Variants in DYNC2H1 observed in about 807,000 individuals in gnomAD.
DYNC2H1 encodes cytoplasmic dynein 2 heavy chain 1.
In DYNC2H1, 410 loss-of-function variants were observed where a neutral mutation model predicts 570.0. That is an observed-to-expected ratio of 0.72 (90% confidence interval 0.66 to 0.78). DYNC2H1 has a LOEUF of 0.78. DYNC2H1 is among the 30% of genes least tolerant of loss of function. DYNC2H1 has a pLI of 0.00. For missense variants in DYNC2H1, 4,865 were observed against 5,046.4 expected, an observed-to-expected ratio of 0.96 and a Z score of 1.09; for synonymous variants, 1,688 against 1,677.6, an observed-to-expected ratio of 1.01 and a Z score of -0.15.
At chr11:103,238,582 T>TAC (rs10571344) in intron 63 of DYNC2H1, among the ~76,000 whole-genome samples, 61 of 150,146 alleles carry the variant, frequency 4.1e-4, no homozygotes, top group African/African-American at 1.0e-3. Context: ...CACACACACA[T>TAC]ACACACACAC....
chr11:103,399,397 C>G (rs964495176), intron 83 of DYNC2H1, among the ~76,000 whole-genome samples: 1 of 150,748 alleles, frequency 6.6e-6, no homozygotes, highest in African/African-American at 2.4e-5. Flanking sequence ...CTCAAATGCT[C>G]CACCTGCGTT....
rs1225942392 is a variant in DYNC2H1, at chr11:103,268,777, C to G, written c.10695+8800C>G. Among the ~76,000 whole-genome samples, 1 of 151,826 alleles carries G rather than the reference C, an allele frequency of 6.6e-6. No homozygotes were observed. Among genetic ancestry groups the G allele is most frequent in the Admixed American group, 6.6e-5 (1 of 15,256 alleles). ...AGAGAATATAAACTTCCTTCTTGTT[C>G]ATTTGAAATATTAGTAGCTTTTCTT... On this transcript the variant is annotated intron_variant, in intron 70 of 88. Transcript: ENST00000375735. The surrounding 1 kb of genome is among the most constrained non-coding windows in gnomAD (Gnocchi z 4.6).
At chr11:103,366,290 G>A (rs1366014147) in intron 83 of DYNC2H1, among the ~76,000 whole-genome samples, 1 of 152,220 alleles carries the variant, frequency 6.6e-6, no homozygotes, top group Non-Finnish European at 1.5e-5. Flanking sequence ...ATATATGAAT[G>A]TGTGTGTCGT....
At position 103,201,077 on chromosome 11, in the gene DYNC2H1, TTGG is replaced by T. The variant is rs1862701069; in HGVS notation, c.8197+924_8197+926del. The stretch of plus-strand genomic sequence containing the variant: ...CCTGACTTCAGGTGATCCTCCCGCC[TTGG>T]CCTCCCAAAGTGCTGGGATTACAGA... On this transcript the variant is annotated intron_variant, in intron 50 of 88. Coordinates refer to ENST00000375735, the MANE Select transcript of DYNC2H1 (RefSeq NM_001377.3). The surrounding 1 kb of genome is among the most constrained non-coding windows in gnomAD (Gnocchi z 4.8). Among the ~76,000 whole-genome samples, 1 of 152,176 alleles carries T rather than the reference TTGG, an allele frequency of 6.6e-6. No individual in the cohort carries two copies. The highest frequency in any genetic ancestry group is 6.5e-5 in the Admixed American group (1 of 15,268).
At chr11:103,419,655 T>C (rs1943411901) in intron 84 of DYNC2H1, among the ~76,000 whole-genome samples, 1 of 150,502 alleles carries the variant, frequency 6.6e-6, no homozygotes, top group South Asian at 2.1e-4. Flanking sequence ...AGATCAAAGA[T>C]AGATGAGCCC....
intron 63 of DYNC2H1, among the ~76,000 whole-genome samples, chr11:103,242,594 T>G (rs1182448108): frequency 6.6e-6 from 1 of 152,232 alleles, no homozygotes; most frequent in Non-Finnish European, 1.5e-5. Flanking sequence ...CAGTTTAAAT[T>G]TTAGTAGGTA....
intron 70 of DYNC2H1, among the ~76,000 whole-genome samples, chr11:103,262,539 C>A (rs553999615): frequency 6.6e-6 from 1 of 152,042 alleles, no homozygotes; most frequent in Non-Finnish European, 1.5e-5. Flanking sequence ...AGAGTAGGGG[C>A]CAATATTCAA....
intron 79 of DYNC2H1, among the ~76,000 whole-genome samples, chr11:103,314,142 T>C (rs1314074941): frequency 6.6e-6 from 1 of 152,138 alleles, no homozygotes; most frequent in Non-Finnish European, 1.5e-5. Context: ...AAAAGTTAGG[T>C]TCCTCCCTAC....
At position 103,221,952 on chromosome 11, in the gene DYNC2H1, C is replaced by CA. The variant is rs1284200853; in HGVS notation, c.9108-77dup. 3.7e-5 allele frequency: 54 copies of CA among 1,478,368 alleles called. No individual in the cohort carries two copies. In the African/African-American group the frequency reaches 6.7e-4, roughly 18 times the overall value. 91.6% of individuals were successfully genotyped at this position (1,478,368 alleles called of 1,614,324 possible). A position where few individuals can be genotyped will look rare whatever the true frequency, so the allele number is the denominator to read the frequency against. On this transcript the variant is annotated intron_variant, in intron 57 of 88. Transcript: ENST00000375735. ...AATGGATTAAAAGTATTGCATACAC[C>CA]ATTTTGTTAAACTGATTTTTTTTCA...
chr11:103,240,364 C>CT (rs1188841952), intron 63 of DYNC2H1, among the ~76,000 whole-genome samples: 1 of 152,136 alleles, frequency 6.6e-6, no homozygotes, highest in Non-Finnish European at 1.5e-5. Flanking sequence ...CTTAGATCAT[C>CT]TAATCATATT....
chr11:103,352,563 C>G (rs186807517), intron 82 of DYNC2H1, among the ~76,000 whole-genome samples: 110 of 152,266 alleles, frequency 7.2e-4, no homozygotes, highest in Non-Finnish European at 1.4e-3. Flanking sequence ...CTAACAATTA[C>G]ATTGTTGTCA....
At chr11:103,442,027 TAAAC>T (rs1944288847) in intron 85 of DYNC2H1, among the ~76,000 whole-genome samples, 1 of 152,132 alleles carries the variant, frequency 6.6e-6, no homozygotes, top group African/African-American at 2.4e-5. Flanking sequence ...CTTATATAAA[TAAAC>T]AAAGTTGAAA....
chr11:103,336,817 A>G (rs1939157949), intron 82 of DYNC2H1, among the ~76,000 whole-genome samples: 1 of 152,180 alleles, frequency 6.6e-6, no homozygotes, highest in African/African-American at 2.4e-5. Context: ...TCTTTTGGGT[A>G]TATACCCAGC....
In DYNC2H1 at chr11:103,289,764, G is replaced by GA. The variant is rs1181107036; in HGVS notation, c.11095+2166dup. On this transcript the variant is annotated intron_variant, in intron 75 of 88. Transcript: ENST00000375735. This position sits in a 1 kb window ranked among gnomAD's most constrained non-coding sequence, Gnocchi z 4.2. The stretch of plus-strand genomic sequence containing the variant: ...CAGCAGAGCAAGACCTCATCTCAAA[G>GA]AAAAAAAGAAAAATGATTCTCTTTG... Among the ~76,000 whole-genome samples the GA allele has an allele frequency of 2.0e-5, 3 of 151,682 alleles. No homozygotes were observed. Among genetic ancestry groups the GA allele is most frequent in the Non-Finnish European group, 2.9e-5 (2 of 67,870 alleles).
In DYNC2H1 at chr11:103,156,419, C is replaced by A; in HGVS notation, c.3776C>A (p.Thr1259Lys). Residue 1259 changes from threonine to lysine, a missense_variant, in exon 26 of 89, where the codon ACA (threonine) becomes AAA (lysine). Transcript: ENST00000375735. ...DLNSRAQGEV[T>K]IREALRELDL... ...AATAGTCGGGCACAAGGTGAAGTTA[C>A]AATCAGAGAAGCTTTACGTGAACTT... 6.2e-7 allele frequency: 1 copy of A among 1,613,416 alleles called. No homozygotes were observed. Among genetic ancestry groups the A allele is most frequent in the Middle Eastern group, 1.7e-4 (1 of 6,060 alleles).
At chr11:103,235,565 A>G in intron 61 of DYNC2H1, 107 bp from the exon 62 acceptor site, 3 of 1,050,212 alleles carry the variant, frequency 2.9e-6, no homozygotes, top group Non-Finnish European at 3.9e-6. Context: ...AAAACAAGTT[A>G]TTACCTGTGA....
intron 6 of DYNC2H1, among the ~76,000 whole-genome samples, chr11:103,118,989 T>A (rs893185183): frequency 2.0e-5 from 3 of 151,298 alleles, no homozygotes; most frequent in African/African-American, 4.9e-5. Context: ...CTAATTCTGG[T>A]GTTTTTTCTG....
intron 84 of DYNC2H1, among the ~76,000 whole-genome samples, chr11:103,424,862 ATTTC>A (rs1269094805): frequency 6.6e-6 from 1 of 152,170 alleles, no homozygotes; most frequent in East Asian, 1.9e-4. Flanking sequence ...ATTTTATAGT[ATTTC>A]TTCTATCCAT....
intron 56 of DYNC2H1, among the ~76,000 whole-genome samples, chr11:103,220,242 A>T (rs1863534846): frequency 1.3e-5 from 2 of 152,190 alleles, no homozygotes; most frequent in Admixed American, 6.5e-5. Context: ...TTTGTTTTCC[A>T]AGAGCCATAT....
Sources: gnomAD v4.1 joint callset for allele counts (sites outside exome capture counted in the v4.1 genomes callset) on GRCh38, gnomAD v4.1.1 for gene constraint, Gnocchi (gnomAD v3.1) non-coding constraint, MANE v1.5 for transcripts, NCBI Gene and HGNC (gene_info 2026-07-23, HGNC 2026-07-21) for gene names.